Variants in KANK2 observed in about 807,000 individuals in gnomAD.
KANK2 encodes KN motif and ankyrin repeat domain-containing protein 2.
A neutral mutation model predicts 74.6 loss-of-function variants in KANK2; 41 were observed. That is an observed-to-expected ratio of 0.55 (90% CI 0.43 to 0.71). The LOEUF is 0.71. Ranked by LOEUF, KANK2 falls within the 30% of genes least tolerant of loss-of-function variation. The pLI, the probability that KANK2 is intolerant of heterozygous loss-of-function variation, is 0.00. For synonymous variants in KANK2, 537 were observed against 519.0 expected (o/e 1.03, Z -0.47); for missense variants, 1,148 against 1,196.4 (o/e 0.96, Z 0.60).
At chr19:11,176,120 CG>C (rs1323356769) in intron 7 of KANK2, 131 bp from the exon 8 acceptor site, 3 of 650,656 alleles carry the variant, frequency 4.6e-6, no homozygotes, top group Non-Finnish European at 8.0e-6. Flanking sequence ...CTCCTTCACC[CG>C]GGACACACAT....
chr19:11,180,105 G>A (rs552997811), intron 4 of KANK2, among the ~76,000 whole-genome samples: 1 of 152,052 alleles, frequency 6.6e-6, no homozygotes, highest in Non-Finnish European at 1.5e-5. Context: ...CAAGTGATCC[G>A]CCTTCCAAAG....
In KANK2 at chr19:11,176,815, T is replaced by C. The variant is rs760901098; in HGVS notation, c.1523A>G (p.Tyr508Cys). Residue 508 changes from tyrosine to cysteine, a missense_variant and splice_region_variant, in exon 7 of 13, where the codon TAT (tyrosine) becomes TGT (cysteine). By Grantham distance (194) the Tyr-to-Cys change is radical (BLOSUM62 -2). Coordinates refer to ENST00000586659, the MANE Select transcript of KANK2 (RefSeq NM_001136191.3). ...GCTGGAGTCCTCGGATGACGACTCA[T>C]ACCTGGGGAGGAACGAGCGGGGAGG... Reference protein sequence around the residue: ...SLQFVGVNGGYESSSEDSSTA... With the variant: ...SLQFVGVNGGCESSSEDSSTA... The C allele has an allele frequency of 3.0e-5, 45 of 1,509,848 alleles. No individual in the cohort carries two copies. Among genetic ancestry groups the C allele is most frequent in the African/African-American group, 9.8e-5 (7 of 71,510 alleles). 93.5% of individuals were successfully genotyped at this position (1,509,848 alleles called of 1,614,324 possible).
At chr19:11,188,900 G>A (rs900991664) in intron 4 of KANK2, among the ~76,000 whole-genome samples, 3 of 151,384 alleles carry the variant, frequency 2.0e-5, no homozygotes, top group Admixed American at 1.3e-4. Context: ...AAGGAGAATC[G>A]TTTGAACCCA....
At chr19:11,178,747 C>G in intron 4 of KANK2, 27 bp from the exon 5 acceptor site, 1 of 1,492,088 alleles carries the variant, frequency 6.7e-7, no homozygotes, top group Non-Finnish European at 8.9e-7. Context: ...TGAGTGTCTG[C>G]TCTTGGTCAT....
chr19:11,191,304 T>C (rs768094927), intron 4 of KANK2, among the ~76,000 whole-genome samples: 9 of 152,024 alleles, frequency 5.9e-5, no homozygotes, highest in Non-Finnish European at 8.8e-5. Flanking sequence ...GCCTCCAAAG[T>C]GTGGGATTAC....
chr19:11,178,320 G>T (rs752366150), intron 6 of KANK2, 25 bp downstream of exon 6: 29 of 581,038 alleles, frequency 5.0e-5, no homozygotes, highest in Non-Finnish European at 7.2e-5. Flanking sequence ...AGTATGGGGT[G>T]GGGGGTGGGG....
chr19:11,187,228 C>T (rs932313137), intron 4 of KANK2, among the ~76,000 whole-genome samples: 1 of 151,704 alleles, frequency 6.6e-6, no homozygotes, highest in South Asian at 2.1e-4. Context: ...CTGCACTCCA[C>T]CCTGGGCAAC....
At chr19:11,185,104 A>G (rs1460664473) in intron 4 of KANK2, among the ~76,000 whole-genome samples, 1 of 149,212 alleles carries the variant, frequency 6.7e-6, no homozygotes, top group Non-Finnish European at 1.5e-5. Flanking sequence ...CTGGAGTCCA[A>G]TCATAGCTTG....
rs1478088491 is a variant in KANK2, at chr19:11,195,623, T to A, written c.-81A>T. On this transcript the variant is annotated splice_region_variant and 5_prime_UTR_variant, in exon 2 of 13. Transcript: ENST00000586659. Reference sequence around the variant, plus strand: ...GCAGGGCTGGGGCTCCAGGGGCACCTGAGCTTGTCCTTGTTCTCCCGTCCT... The same window carrying A: ...GCAGGGCTGGGGCTCCAGGGGCACCAGAGCTTGTCCTTGTTCTCCCGTCCT... 6.6e-6 allele frequency: 1 copy of A among 152,572 alleles called. No homozygotes were observed. The highest frequency in any genetic ancestry group is 6.6e-5 in the Admixed American group (1 of 15,260). 9.5% of individuals were successfully genotyped at this position (152,572 alleles called of 1,614,324 possible).
At position 11,169,623 on chromosome 19, in the gene KANK2, A is replaced by T. The variant is rs575179465; in HGVS notation, c.2502+254T>A. 5.5e-5 allele frequency: 32 copies of T among 577,794 alleles called. No homozygotes were observed. In the Admixed American group the frequency reaches 7.7e-4, roughly 14 times the overall value. The allele number at this position is 577,794 out of a possible 1,614,324, so 35.8% of individuals were successfully genotyped here. ...TGAGACCAGCCTGACCATCATGGTG[A>T]AACCCCGTCTCTACTAAAAATACAA... is the stretch of plus-strand genomic sequence containing the variant. On this transcript the variant is annotated intron_variant, in intron 12 of 12. Coordinates refer to ENST00000586659, the MANE Select transcript of KANK2 (RefSeq NM_001136191.3).
At position 11,193,363 on chromosome 19, in the gene KANK2, G is replaced by T. The variant is rs778604840; in HGVS notation, c.717C>A (p.Pro239=). The T allele has an allele frequency of 2.0e-5, 32 of 1,612,818 alleles. No individual in the cohort carries two copies. In the African/African-American group the frequency reaches 3.7e-4, roughly 19 times the overall value. ...GCTCGCTGCGACCCCGGCCCGCTGT[G>T]GGGTGGCCCAGGAACTTCTGGCTCT... is the stretch of plus-strand genomic sequence containing the variant. ...QLKSQKFLGH[P]TAGRGRSELC... The change falls in exon 4 of 13, where the codon CCC becomes CCA. Residue 239 remains proline, a synonymous_variant. Transcript: ENST00000586659. The surrounding 1 kb of genome is among the most constrained non-coding windows in gnomAD (Gnocchi z 9.6).
At chr19:11,191,531 C>T (rs1470623597) in intron 4 of KANK2, among the ~76,000 whole-genome samples, 1 of 152,228 alleles carries the variant, frequency 6.6e-6, no homozygotes, top group African/African-American at 2.4e-5. Flanking sequence ...GCGTCCATGG[C>T]TAGGCAGACA....
At position 11,166,522 on chromosome 19, in the gene KANK2, T is replaced by TGCTCCCGGTCTG. The variant is rs1211273443; in HGVS notation, c.*24_*35dup. On this transcript the variant is annotated 3_prime_UTR_variant, in exon 13 of 13. Coordinates refer to ENST00000586659, the MANE Select transcript of KANK2 (RefSeq NM_001136191.3). ...GAGGAGACGGGGACAAGGGACGGTT[T>TGCTCCCGGTCTG]GCTCCCGGTCTGGCTGGTCCCCGCC... The TGCTCCCGGTCTG allele has an allele frequency of 1.3e-6, 2 of 1,599,560 alleles. No individual in the cohort carries two copies. Among genetic ancestry groups the TGCTCCCGGTCTG allele is most frequent in the Non-Finnish European group, 1.7e-6 (2 of 1,166,868 alleles).
chr19:11,181,083 G>C (rs1420561615), intron 4 of KANK2, among the ~76,000 whole-genome samples: 1 of 66,386 alleles, frequency 1.5e-5, no homozygotes, highest in Admixed American at 2.2e-4. Flanking sequence ...CGAGACTCTT[G>C]TCTCCAAAAA....
chr19:11,176,383 A>T (rs750405321), intron 7 of KANK2, among the ~76,000 whole-genome samples, 195 bp downstream of exon 7: 8 of 152,200 alleles, frequency 5.3e-5, no homozygotes, highest in Non-Finnish European at 1.5e-5. Flanking sequence ...GCAGCCCAAA[A>T]TAGTTCCACC....
chr19:11,170,306 CT>C lies in KANK2; in HGVS notation c.2212-59del, dbSNP rs2078139431. On this transcript the variant is annotated intron_variant, in intron 10 of 12. Coordinates refer to ENST00000586659, the MANE Select transcript of KANK2 (RefSeq NM_001136191.3). The surrounding 1 kb of genome is among the most constrained non-coding windows in gnomAD (Gnocchi z 5.2). ...TGCAGGCCCCAGGGCAGGACACCCC[CT>C]GGTCTAGAACCTGCTGTAGCTCCCA... 1.4e-6 allele frequency: 2 copies of C among 1,462,768 alleles called. No homozygotes were observed. The highest frequency in any genetic ancestry group is 9.4e-7 in the Non-Finnish European group (1 of 1,059,008). 90.6% of individuals were successfully genotyped at this position (1,462,768 alleles called of 1,614,324 possible).
chr19:11,175,558 T>C (rs1222714225), intron 8 of KANK2, among the ~76,000 whole-genome samples: 1 of 151,158 alleles, frequency 6.6e-6, no homozygotes, highest in East Asian at 1.9e-4. Context: ...AGCACCAGGA[T>C]GACAGGCATG....
Position 11,193,971 on chromosome 19 carries a change from G to A in KANK2, c.109C>T (p.Pro37Ser). 6.2e-7 allele frequency: 1 copy of A among 1,614,066 alleles called. No individual in the cohort carries two copies. The highest frequency in any genetic ancestry group is 8.5e-7 in the Non-Finnish European group (1 of 1,179,988). ...TCCAGGTCCAGGCGGTAGCCATAGG[G>A]GGTCTCCACGGAGTAGGGTGGATCG... is the stretch of plus-strand genomic sequence containing the variant. ...DPDPPYSVET[P>S]YGYRLDLDFL... Residue 37 changes from proline (P) to serine (S), a missense_variant, in exon 4 of 13, where the codon CCC (proline) becomes TCC (serine). Physicochemically the swap from Pro to Ser is moderately conservative, Grantham distance 74. Transcript: ENST00000586659. This position sits in a 1 kb window ranked among gnomAD's most constrained non-coding sequence, Gnocchi z 9.6.
intron 12 of KANK2, chr19:11,169,527 G>A: frequency 2.5e-6 from 1 of 404,784 alleles, no homozygotes; most frequent in South Asian, 3.7e-5. Flanking sequence ...ACAAGACCAG[G>A]CATGGTGGCT....
Sources: gnomAD v4.1 joint callset for allele counts (sites outside exome capture counted in the v4.1 genomes callset) on GRCh38, gnomAD v4.1.1 for gene constraint, Gnocchi (gnomAD v3.1) non-coding constraint, MANE v1.5 for transcripts, NCBI Gene and HGNC (gene_info 2026-07-23, HGNC 2026-07-21) for gene names.